The following GREB1L variants were observed in gnomAD, a reference collection of about 807,000 sequenced individuals.
The protein encoded by GREB1L is GREB1 like retinoic acid receptor coactivator.
GREB1L carries 17 observed loss-of-function variants against 200.8 expected under a neutral mutation model. That is an observed-to-expected ratio of 0.08 (90% CI 0.06 to 0.13). The LOEUF is 0.13. Among genes scored for constraint, GREB1L ranks in the 10% least tolerant of loss-of-function variants. The pLI is 1.00. For missense variants in GREB1L, 1,657 were observed against 2,367.7 expected, an observed-to-expected ratio of 0.70 and a Z score of 6.23; for synonymous variants, 789 against 893.0, an observed-to-expected ratio of 0.88 and a Z score of 2.08.
intron 15 of GREB1L, among the ~76,000 whole-genome samples, chr18:21,465,451 T>C (rs933641837): frequency 6.6e-6 from 1 of 152,164 alleles, no homozygotes; most frequent in East Asian, 1.9e-4. Context: ...AGGAAGAGCA[T>C]ATTGAAGGAT....
chr18:21,476,721 G>A (rs1211225353), intron 16 of GREB1L, among the ~76,000 whole-genome samples: 1 of 150,198 alleles, frequency 6.7e-6, no homozygotes, highest in Non-Finnish European at 1.5e-5. Context: ...GGCACACACC[G>A]CCACACCCAG....
intron 1 of GREB1L, among the ~76,000 whole-genome samples, chr18:21,344,753 A>G (rs760031913): frequency 2.0e-5 from 3 of 152,218 alleles, no homozygotes; most frequent in Non-Finnish European, 4.4e-5. Flanking sequence ...ATTCAGGGTC[A>G]TCTGGGAACT....
chr18:21,367,057 CTG>C (rs1486853610), intron 2 of GREB1L, among the ~76,000 whole-genome samples: 3 of 152,186 alleles, frequency 2.0e-5, no homozygotes, highest in Non-Finnish European at 2.9e-5. Flanking sequence ...GAGGCACATT[CTG>C]TGGACCCTGG....
chr18:21,247,107 C>T (rs2037616779), intron 1 of GREB1L, among the ~76,000 whole-genome samples: 1 of 152,038 alleles, frequency 6.6e-6, no homozygotes, highest in African/African-American at 2.4e-5. Flanking sequence ...AGGAGGGCTC[C>T]CTATTGTGTA....
chr18:21,422,064 C>G (rs1174417524), intron 7 of GREB1L, among the ~76,000 whole-genome samples: 1 of 152,190 alleles, frequency 6.6e-6, no homozygotes, highest in Non-Finnish European at 1.5e-5. Flanking sequence ...GCTCAAGGAA[C>G]TTTCCAAGTT....
intron 15 of GREB1L, among the ~76,000 whole-genome samples, chr18:21,461,758 G>A (rs1432975671): frequency 2.6e-5 from 4 of 152,164 alleles, no homozygotes; most frequent in Admixed American, 6.5e-5. Flanking sequence ...CAGCCAGAAA[G>A]TAAAATGAAT....
At chr18:21,253,941 A>C (rs2037757338) in intron 1 of GREB1L, among the ~76,000 whole-genome samples, 1 of 148,906 alleles carries the variant, frequency 6.7e-6, no homozygotes, top group Non-Finnish European at 1.5e-5. Context: ...GGCTCAAAGG[A>C]TCCTCCTGCC....
chr18:21,494,366 G>T (rs1376164311), intron 19 of GREB1L, among the ~76,000 whole-genome samples: 1 of 152,044 alleles, frequency 6.6e-6, no homozygotes, highest in Non-Finnish European at 1.5e-5. Flanking sequence ...AGTGATTGTG[G>T]GAATGTTTAT....
At chr18:21,255,740 A>G (rs1006197608) in intron 1 of GREB1L, among the ~76,000 whole-genome samples, 1 of 152,212 alleles carries the variant, frequency 6.6e-6, no homozygotes, top group African/African-American at 2.4e-5. Context: ...TTTCTTTACA[A>G]TATTAATATT....
At position 21,499,659 on chromosome 18, in the gene GREB1L, T is replaced by G. The variant is rs2036693641; in HGVS notation, c.3392-70T>G. The G allele has an allele frequency of 5.1e-6, 6 of 1,165,542 alleles. No individual in the cohort carries two copies. The South Asian group carries it at 7.4e-5, about 14-fold the overall frequency. The allele number at this position is 1,165,542 out of a possible 1,614,324, so 72.2% of individuals were successfully genotyped here. On this transcript the variant is annotated intron_variant, in intron 21 of 32. Transcript: ENST00000424526. ...CCCAGTGTCCACTGCTTTCCTGGCC[T>G]TTGTCTGCTTCCACACCCTAGATCA...
At chr18:21,308,771 C>T (rs1320750304) in intron 1 of GREB1L, among the ~76,000 whole-genome samples, 2 of 152,216 alleles carry the variant, frequency 1.3e-5, no homozygotes, top group African/African-American at 2.4e-5. Flanking sequence ...ATTTCTGTGT[C>T]CCTACAGCTC....
intron 1 of GREB1L, among the ~76,000 whole-genome samples, chr18:21,339,894 C>G (rs1315454122): frequency 3.9e-5 from 6 of 152,130 alleles, no homozygotes; most frequent in Non-Finnish European, 8.8e-5. Flanking sequence ...CACTTTTATT[C>G]TGATTACCTT....
At chr18:21,348,786 A>G (rs1050449736) in intron 1 of GREB1L, among the ~76,000 whole-genome samples, 4 of 152,114 alleles carry the variant, frequency 2.6e-5, no homozygotes, top group Non-Finnish European at 5.9e-5. Context: ...AAGAAAAAAA[A>G]AATTAAAAAT....
At chr18:21,407,640 A>G (rs527616906) in intron 7 of GREB1L, among the ~76,000 whole-genome samples, 1 of 152,180 alleles carries the variant, frequency 6.6e-6, no homozygotes, top group Non-Finnish European at 1.5e-5. Flanking sequence ...TTTAAACTTC[A>G]TAAGTCAATT....
intron 1 of GREB1L, among the ~76,000 whole-genome samples, chr18:21,293,035 A>G (rs572409963): frequency 1.8e-3 from 268 of 152,352 alleles, no homozygotes; most frequent in Middle Eastern, 3.4e-3. Context: ...AAGCAGGGGC[A>G]GTTTAGTAAC....
At chr18:21,298,686 A>G (rs1598639605) in intron 1 of GREB1L, among the ~76,000 whole-genome samples, 1 of 152,196 alleles carries the variant, frequency 6.6e-6, no homozygotes. Context: ...TTTCCAATGA[A>G]AAAAATGAAG....
intron 23 of GREB1L, among the ~76,000 whole-genome samples, chr18:21,501,203 T>C (rs1229611872): frequency 1.3e-5 from 2 of 151,548 alleles, no homozygotes; most frequent in African/African-American, 4.8e-5. Flanking sequence ...CTCTTTACAA[T>C]GTCCTGCGAG....
intron 2 of GREB1L, among the ~76,000 whole-genome samples, chr18:21,379,369 G>A (rs2040209874): frequency 2.0e-5 from 3 of 152,106 alleles, no homozygotes; most frequent in Admixed American, 6.6e-5. Flanking sequence ...ACCATGCCCA[G>A]CTAAGTTTGT....
chr18:21,459,877 C>T (rs2145544906), intron 15 of GREB1L, among the ~76,000 whole-genome samples: 1 of 152,314 alleles, frequency 6.6e-6, no homozygotes, highest in South Asian at 2.1e-4. Flanking sequence ...TAACCCAGCA[C>T]ATGCATTGCT....
Sources: gnomAD v4.1 joint callset for allele counts (sites outside exome capture counted in the v4.1 genomes callset) on GRCh38, gnomAD v4.1.1 for gene constraint, MANE v1.5 for transcripts, NCBI Gene and HGNC (gene_info 2026-07-23, HGNC 2026-07-21) for gene names.